Variants in TRPM7 observed in about 807,000 individuals in gnomAD.
TRPM7 encodes the protein transient receptor potential cation channel subfamily M member 7.
In TRPM7, 134 loss-of-function variants were observed where a neutral mutation model predicts 229.7. That is an observed-to-expected ratio of 0.58 (90% CI 0.51 to 0.67). The LOEUF is 0.67. Ranked by LOEUF, TRPM7 falls within the 30% of genes least tolerant of loss-of-function variation. The pLI is 0.00. For synonymous variants in TRPM7, 699 were observed against 715.2 expected (o/e 0.98, Z 0.36); for missense variants, 1,901 against 2,210.0 (o/e 0.86, Z 2.80).
intron 5 of TRPM7, among the ~76,000 whole-genome samples, chr15:50,641,308 C>T (rs73397410): frequency 0.02 from 3,075 of 152,286 alleles, 119 homozygotes; most frequent in African/African-American, 0.071. Flanking sequence ...GAACTTCTGA[C>T]TTCATCACCT....
intron 6 of TRPM7, 129 bp downstream of exon 6, chr15:50,639,295 G>C: frequency 1.3e-6 from 1 of 751,030 alleles, no homozygotes; most frequent in East Asian, 3.8e-5. Context: ...GTAAACCTCA[G>C]GAAAATACCT....
At chr15:50,601,345 T>C (rs779590142) in intron 21 of TRPM7, among the ~76,000 whole-genome samples, 1 of 152,164 alleles carries the variant, frequency 6.6e-6, no homozygotes, top group Non-Finnish European at 1.5e-5. Flanking sequence ...AAAATGAGGA[T>C]TCTTAAAGTA....
intron 27 of TRPM7, 116 bp from the exon 28 acceptor site, chr15:50,586,604 T>C (rs1178570730): frequency 4.8e-6 from 3 of 622,092 alleles, no homozygotes; most frequent in Non-Finnish European, 8.4e-6. Context: ...TTATTCTACC[T>C]GGACACCAAT....
intron 3 of TRPM7, among the ~76,000 whole-genome samples, chr15:50,650,825 C>T (rs191760753): frequency 2.0e-4 from 30 of 152,262 alleles, no homozygotes; most frequent in African/African-American, 7.0e-4. Context: ...GTCTAAAACT[C>T]GCTAGTGGAA....
At chr15:50,598,563 TG>T (rs1757007358) in intron 22 of TRPM7, among the ~76,000 whole-genome samples, 1 of 152,238 alleles carries the variant, frequency 6.6e-6, no homozygotes, top group South Asian at 2.1e-4. Flanking sequence ...TCTACCTGAA[TG>T]ATCTACGCTA....
intron 4 of TRPM7, among the ~76,000 whole-genome samples, chr15:50,646,252 A>G (rs2061261543): frequency 6.6e-6 from 1 of 152,156 alleles, no homozygotes; most frequent in African/African-American, 2.4e-5. Flanking sequence ...GGAGGCAGGC[A>G]GAACAATGTA....
At chr15:50,562,372 A>G (rs1200472886) in intron 38 of TRPM7, among the ~76,000 whole-genome samples, 1 of 152,206 alleles carries the variant, frequency 6.6e-6, no homozygotes, top group East Asian at 1.9e-4. Context: ...GTGGGAATGT[A>G]GCAGTGAACA....
intron 16 of TRPM7, among the ~76,000 whole-genome samples, chr15:50,611,560 C>T (rs901734465): frequency 1.3e-5 from 2 of 152,086 alleles, no homozygotes; most frequent in Admixed American, 6.6e-5. Flanking sequence ...CACATTCTCC[C>T]GGTCCTAGAA....
intron 17 of TRPM7, among the ~76,000 whole-genome samples, 189 bp downstream of exon 17, chr15:50,610,904 A>G (rs1026705714): frequency 6.6e-6 from 1 of 152,154 alleles, no homozygotes; most frequent in Non-Finnish European, 1.5e-5. Context: ...AAAGGATTCA[A>G]AAGTTAAGTA....
At chr15:50,574,563 A>C in intron 35 of TRPM7, 74 bp downstream of exon 35, 3 of 1,548,324 alleles carry the variant, frequency 1.9e-6, no homozygotes, top group Non-Finnish European at 2.6e-6. Flanking sequence ...TTAAATATTC[A>C]ACATCAAAAA....
chr15:50,652,638 C>T (rs983885698), intron 3 of TRPM7, among the ~76,000 whole-genome samples: 13 of 122,298 alleles, frequency 1.1e-4, no homozygotes, highest in African/African-American at 3.2e-4. Flanking sequence ...ATTCTACATA[C>T]GTTCTTCCAA....
intron 22 of TRPM7, 104 bp downstream of exon 22, chr15:50,599,018 G>T: frequency 1.2e-6 from 1 of 820,718 alleles, no homozygotes; most frequent in Non-Finnish European, 1.9e-6. Context: ...GGCTTAGGTT[G>T]GTAATAGTTT....
At chr15:50,575,838 G>A (rs769237434) in intron 32 of TRPM7, 31 bp downstream of exon 32, 18 of 1,610,456 alleles carry the variant, frequency 1.1e-5, no homozygotes, top group Non-Finnish European at 1.5e-5. Flanking sequence ...GGTCCAAAAT[G>A]CTATTAAATT....
chr15:50,592,332 A>C lies in TRPM7; in HGVS notation c.3903T>G (p.Ser1301=). The C allele has an allele frequency of 6.2e-7, 1 of 1,614,078 alleles. No individual in the cohort carries two copies. The highest frequency in any genetic ancestry group is 8.5e-7 in the Non-Finnish European group (1 of 1,179,946). The change falls in exon 26 of 39, where the codon TCT becomes TCG. Residue 1301 remains serine (S), a synonymous_variant. Transcript: ENST00000646667. ...TACTTTCAAGATCACCTTGAGGAAG[A>C]GAGGAGCTAAGTGTATTTACAACAC... The part of the protein sequence containing the change: ...KHGVVNTLSS[S]LPQGDLESNN...
At chr15:50,654,162 A>G (rs953420552) in intron 3 of TRPM7, among the ~76,000 whole-genome samples, 3 of 152,184 alleles carry the variant, frequency 2.0e-5, no homozygotes, top group Non-Finnish European at 4.4e-5. Context: ...ATGATAAAAA[A>G]TTATTGGCCG....
chr15:50,613,598 C>T lies in TRPM7; in HGVS notation c.1770+109G>A, dbSNP rs545562489. 253 of 945,728 alleles carry T rather than the reference C, an allele frequency of 2.7e-4. 1 individual carries two copies. In the African/African-American group the frequency reaches 2.8e-3, roughly 10 times the overall value. 58.6% of individuals were successfully genotyped at this position (945,728 alleles called of 1,614,324 possible). A position where few individuals can be genotyped will look rare whatever the true frequency, so the allele number is the denominator to read the frequency against. On this transcript the variant is annotated intron_variant, in intron 15 of 38. Coordinates refer to ENST00000646667, the MANE Select transcript of TRPM7 (RefSeq NM_017672.6). ...GACAATTCTAGGACATATCCAAAAA[C>T]GAAAGGTAATTCTTACTAAATCAAT...
At chr15:50,635,263 A>G (rs925893758) in intron 7 of TRPM7, among the ~76,000 whole-genome samples, 1 of 138,738 alleles carries the variant, frequency 7.2e-6, no homozygotes, top group African/African-American at 2.7e-5. Context: ...GGTTGCAGTG[A>G]GCCAAGATCA....
Position 50,612,713 on chromosome 15 carries a change from A to G in TRPM7, c.1887T>C (p.Ala629=), listed in dbSNP as rs768979629. 1 of 1,614,078 alleles carries G rather than the reference A, an allele frequency of 6.2e-7. No individual in the cohort carries two copies. The highest frequency in any genetic ancestry group is 1.3e-5 in the African/African-American group (1 of 74,940). The change falls in exon 16 of 39, where the codon GCT becomes GCC. Residue 629 remains alanine, a synonymous_variant. Transcript: ENST00000646667. The part of the protein sequence containing the change: ...PYPLNELLIW[A]CLMKRQVMAR... ...CCATGACCTGCCTCTTCATAAGGCAAGCCCAAATTAAAAGTTCATTAAGTG... is the reference window on the plus strand; with the variant it reads ...CCATGACCTGCCTCTTCATAAGGCAGGCCCAAATTAAAAGTTCATTAAGTG...
intron 2 of TRPM7, among the ~76,000 whole-genome samples, chr15:50,659,631 A>G (rs2061676978): frequency 6.6e-6 from 1 of 152,098 alleles, no homozygotes; most frequent in Admixed American, 6.6e-5. Context: ...TGGAATTAAT[A>G]AAACTATAGA....
Sources: gnomAD v4.1 joint callset for allele counts (sites outside exome capture counted in the v4.1 genomes callset) on GRCh38, gnomAD v4.1.1 for gene constraint, MANE v1.5 for transcripts, NCBI Gene and HGNC (gene_info 2026-07-23, HGNC 2026-07-21) for gene names.